Variants in ULK4 observed in about 807,000 individuals in gnomAD.
ULK4 encodes the protein unc-51 like kinase 4.
Under a neutral mutation model 160.6 loss-of-function variants are expected in ULK4, and 133 were observed. The ratio of observed to expected loss-of-function variants is 0.83; its 90% CI spans 0.72 to 0.96. ULK4 has a LOEUF of 0.96. ULK4 is among the 40% of genes least tolerant of loss of function. The probability of loss-of-function intolerance (pLI) is 0.00; values close to 1 mark genes in which losing one functional copy is unlikely to be tolerated. For missense variants in ULK4, 1,580 were observed against 1,499.5 expected (o/e 1.05, Z -0.89); for synonymous variants, 534 against 539.8 (o/e 0.99, Z 0.15).
intron 25 of ULK4, among the ~76,000 whole-genome samples, chr3:41,710,676 C>A (rs188020223): frequency 3.7e-4 from 57 of 152,106 alleles, no homozygotes; most frequent in African/African-American, 1.3e-3. Context: ...CGCCTGTAAT[C>A]CCAGCTACTT....
chr3:41,840,407 CCT>C (rs2041876563), intron 17 of ULK4, among the ~76,000 whole-genome samples: 1 of 152,214 alleles, frequency 6.6e-6, no homozygotes, highest in Non-Finnish European at 1.5e-5. Context: ...CTTCAGTCTC[CCT>C]CTGTTGCCGA....
chr3:41,410,111 G>T (rs2082380906), intron 34 of ULK4, among the ~76,000 whole-genome samples: 1 of 152,090 alleles, frequency 6.6e-6, no homozygotes, highest in East Asian at 1.9e-4. Context: ...GTTAATGGTG[G>T]AGGCACTCTG....
chr3:41,351,005 T>A (rs1003936457), intron 35 of ULK4, among the ~76,000 whole-genome samples: 1 of 152,162 alleles, frequency 6.6e-6, no homozygotes, highest in East Asian at 1.9e-4. Context: ...TGGCAGAAAT[T>A]GAAACAAAAC....
chr3:41,338,035 G>A (rs2080601525), intron 35 of ULK4, among the ~76,000 whole-genome samples: 1 of 152,150 alleles, frequency 6.6e-6, no homozygotes, highest in South Asian at 2.1e-4. Flanking sequence ...ATGGAACAAA[G>A]CAATTTCTTT....
At chr3:41,598,037 C>A (rs1225044165) in intron 31 of ULK4, among the ~76,000 whole-genome samples, 1 of 152,202 alleles carries the variant, frequency 6.6e-6, no homozygotes. Flanking sequence ...TCCCAAAGGG[C>A]TCAAGCTAAT....
At chr3:41,694,133 C>T (rs1259965889) in intron 27 of ULK4, among the ~76,000 whole-genome samples, 1 of 152,112 alleles carries the variant, frequency 6.6e-6, no homozygotes, top group African/African-American at 2.4e-5. Context: ...ATGCTGGAAG[C>T]CAAAACTTCC....
At chr3:41,365,052 G>C (rs2081228732) in intron 35 of ULK4, among the ~76,000 whole-genome samples, 1 of 152,218 alleles carries the variant, frequency 6.6e-6, no homozygotes, top group South Asian at 2.1e-4. Context: ...CAAGGGGCTA[G>C]AGGTCCTGTC....
At chr3:41,735,463 C>T (rs2037997454) in intron 22 of ULK4, among the ~76,000 whole-genome samples, 1 of 152,146 alleles carries the variant, frequency 6.6e-6, no homozygotes, top group Non-Finnish European at 1.5e-5. Context: ...TCGAGTTCTA[C>T]CGAGCTCTAT....
At chr3:41,617,944 T>C (rs145225778) in intron 30 of ULK4, among the ~76,000 whole-genome samples, 11 of 152,202 alleles carry the variant, frequency 7.2e-5, no homozygotes, top group African/African-American at 2.4e-4. Flanking sequence ...CTGATGGAGC[T>C]GAAAAACATA....
chr3:41,389,318 C>T (rs1441591506), intron 35 of ULK4, among the ~76,000 whole-genome samples: 5 of 152,138 alleles, frequency 3.3e-5, no homozygotes, highest in Non-Finnish European at 5.9e-5. Flanking sequence ...CATCTGGAAA[C>T]AGGGACAATT....
intron 30 of ULK4, among the ~76,000 whole-genome samples, chr3:41,622,915 T>C (rs1211695040): frequency 2.0e-5 from 3 of 152,176 alleles, no homozygotes; most frequent in African/African-American, 7.2e-5. Context: ...TCTGTCATCA[T>C]AAAGTAAAAG....
rs974620963 is a variant in ULK4 at position 41,789,847 on chromosome 3, C to T, written c.2011-4G>A. On this transcript the variant is annotated splice_polypyrimidine_tract_variant and splice_region_variant and intron_variant, in intron 20 of 36. Transcript: ENST00000301831. ...GGCGAGTGATTCTACACAAGGCCTA[C>T]AAAGACAAGAGAACAGACCTGTCAG... 6 of 1,599,944 alleles carry T rather than the reference C, an allele frequency of 3.8e-6. No individual in the cohort carries two copies. The South Asian group carries it at 6.8e-5, about 18-fold the overall frequency.
intron 35 of ULK4, among the ~76,000 whole-genome samples, chr3:41,371,331 C>G (rs936862706): frequency 4.6e-5 from 7 of 152,194 alleles, no homozygotes; most frequent in African/African-American, 1.7e-4. Context: ...GGGTCCCTGA[C>G]CCCCGTGCCT....
chr3:41,861,167 TAGTAGA>T (rs1390451517), intron 17 of ULK4, among the ~76,000 whole-genome samples: 2 of 150,088 alleles, frequency 1.3e-5, no homozygotes, highest in South Asian at 2.1e-4. Flanking sequence ...TTTCTACTTA[TAGTAGA>T]AGTAGTTTAC....
chr3:41,624,054 T>C (rs1365627373), intron 30 of ULK4, among the ~76,000 whole-genome samples: 1 of 152,190 alleles, frequency 6.6e-6, no homozygotes, highest in Non-Finnish European at 1.5e-5. Flanking sequence ...TGGTGACAAA[T>C]GTTAAGTTCA....
chr3:41,334,503 A>T (rs1352272), intron 35 of ULK4, among the ~76,000 whole-genome samples: 57,810 of 151,926 alleles, frequency 0.38, 11,426 homozygotes, highest in African/African-American at 0.5. Flanking sequence ...TGGGAAAAAA[A>T]TTGGTACACA....
chr3:41,621,701 T>C (rs935757060), intron 30 of ULK4, among the ~76,000 whole-genome samples: 1 of 152,148 alleles, frequency 6.6e-6, no homozygotes, highest in East Asian at 1.9e-4. Context: ...GACATAGGCA[T>C]GGGCAAAGAC....
intron 35 of ULK4, among the ~76,000 whole-genome samples, chr3:41,396,678 A>C (rs540761337): frequency 9.9e-5 from 15 of 152,268 alleles, no homozygotes; most frequent in African/African-American, 3.4e-4. Flanking sequence ...AGAAAGTCCA[A>C]AAGAAAATGG....
chr3:41,745,932 C>T (rs1332544798), intron 22 of ULK4, among the ~76,000 whole-genome samples: 12 of 150,076 alleles, frequency 8.0e-5, no homozygotes, highest in Non-Finnish European at 1.8e-4. Flanking sequence ...TGACAAAATC[C>T]AACACTCATT....
Sources: gnomAD v4.1 joint callset for allele counts (sites outside exome capture counted in the v4.1 genomes callset) on GRCh38, gnomAD v4.1.1 for gene constraint, MANE v1.5 for transcripts, NCBI Gene and HGNC (gene_info 2026-07-23, HGNC 2026-07-21) for gene names.